TNFAIP8: variants seen among roughly 807,000 people sequenced by gnomAD.
TNFAIP8 encodes the protein TNF alpha induced protein 8.
TNFAIP8 carries 7 observed loss-of-function variants against 13.3 expected under a neutral mutation model. That is an observed-to-expected ratio of 0.52 (90% CI 0.30 to 0.99). The LOEUF is 0.99. TNFAIP8 is among the 50% of genes least tolerant of loss of function. The pLI, the probability that TNFAIP8 is intolerant of heterozygous loss-of-function variation, is 0.07. For missense variants in TNFAIP8, 258 were observed against 236.9 expected, an observed-to-expected ratio of 1.09 and a Z score of -0.58; for synonymous variants, 94 against 87.6, an observed-to-expected ratio of 1.07 and a Z score of -0.41.
At chr5:119,376,116 TTTTTG>T (rs1480340886) in intron 1 of TNFAIP8, among the ~76,000 whole-genome samples, 2 of 151,474 alleles carry the variant, frequency 1.3e-5, no homozygotes, top group Non-Finnish European at 2.9e-5. Flanking sequence ...TAAATTTTCT[TTTTTG>T]TTTTTTTTTT....
chr5:119,334,923 C>G, intron 1 of TNFAIP8, among the ~76,000 whole-genome samples: 1 of 152,120 alleles, frequency 6.6e-6, no homozygotes, highest in African/African-American at 2.4e-5. Flanking sequence ...GGCAGAAAGA[C>G]GTGTACATAA....
chr5:119,388,625 CT>C (rs771719715), intron 1 of TNFAIP8, among the ~76,000 whole-genome samples: 1 of 144,514 alleles, frequency 6.9e-6, no homozygotes, highest in Non-Finnish European at 1.5e-5. Flanking sequence ...CATGAAGCAT[CT>C]TTTTTTTTCT....
At chr5:119,320,890 AAAAAACAAAAAACG>A (rs1750033110) in intron 1 of TNFAIP8, among the ~76,000 whole-genome samples, 1 of 151,556 alleles carries the variant, frequency 6.6e-6, no homozygotes, top group African/African-American at 2.4e-5. Flanking sequence ...CCTGCTAAAA[AAAAAACAAAAAACG>A]AAAAACAAAA....
At chr5:119,294,698 A>G (rs916072741) in intron 1 of TNFAIP8, among the ~76,000 whole-genome samples, 1 of 152,002 alleles carries the variant, frequency 6.6e-6, no homozygotes, top group Non-Finnish European at 1.5e-5. Flanking sequence ...CCTCTCCAGC[A>G]CCTGTTGTTT....
At chr5:119,347,499 T>C (rs1750947785) in intron 1 of TNFAIP8, among the ~76,000 whole-genome samples, 1 of 152,234 alleles carries the variant, frequency 6.6e-6, no homozygotes, top group Non-Finnish European at 1.5e-5. Flanking sequence ...TATCATCTTT[T>C]TTAGGTAGGC....
chr5:119,314,206 A>C lies in TNFAIP8; in HGVS notation c.1+45299A>C, dbSNP rs78927313. On this transcript the variant is annotated intron_variant, in intron 1 of 1. Coordinates refer to the TNFAIP8 transcript ENST00000274456. ...ACAAACAAACAAACAAACAAACAAA[A>C]AAACCATGTCTGTCGTCTGTTTTGT... is the stretch of plus-strand genomic sequence containing the variant. 8.7e-3 allele frequency among the ~76,000 whole-genome samples: 1,236 copies of C among 142,088 alleles called. 11 individuals carry two copies. The highest frequency in any genetic ancestry group is 0.03 in the African/African-American group (1,150 of 38,854). 93.2% of individuals were successfully genotyped at this position (142,088 alleles called of 152,430 possible). A position where few individuals can be genotyped will look rare whatever the true frequency, so the allele number is the denominator to read the frequency against.
chr5:119,373,445 A>G (rs1466423182), intron 1 of TNFAIP8, among the ~76,000 whole-genome samples: 1 of 152,258 alleles, frequency 6.6e-6, no homozygotes, highest in Non-Finnish European at 1.5e-5. Flanking sequence ...ACAACGGGAA[A>G]GTGACTAGGG....
In TNFAIP8 at chr5:119,393,485, A is replaced by G; in HGVS notation, c.*104A>G. On this transcript the variant is annotated 3_prime_UTR_variant, in exon 2 of 2. Coordinates refer to ENST00000504771, the MANE Select transcript of TNFAIP8 (RefSeq NM_014350.4). ...ATTTTCTAAAGATTACACATATTTCAGAAAGACTTTACCCAATTCAGTTGT... is the reference window on the plus strand; with the variant it reads ...ATTTTCTAAAGATTACACATATTTCGGAAAGACTTTACCCAATTCAGTTGT... 1 of 1,109,266 alleles carries G rather than the reference A, an allele frequency of 9.0e-7. No homozygotes were observed. Among genetic ancestry groups the G allele is most frequent in the African/African-American group, 1.6e-5 (1 of 64,044 alleles). 68.7% of individuals were successfully genotyped at this position (1,109,266 alleles called of 1,614,324 possible). A position where few individuals can be genotyped will look rare whatever the true frequency, so the allele number is the denominator to read the frequency against.
chr5:119,384,179 C>T (rs187726838), intron 1 of TNFAIP8, among the ~76,000 whole-genome samples: 25 of 152,220 alleles, frequency 1.6e-4, no homozygotes, highest in Middle Eastern at 6.8e-3. Flanking sequence ...CTAGGGTTGC[C>T]GTAAAGCTTC....
intron 1 of TNFAIP8, among the ~76,000 whole-genome samples, chr5:119,339,911 G>T (rs1034693267): frequency 6.6e-6 from 1 of 152,142 alleles, no homozygotes; most frequent in Non-Finnish European, 1.5e-5. Flanking sequence ...AAATAAATGG[G>T]CTGTGGATAA....
chr5:119,285,719 CA>C (rs962700935), intron 1 of TNFAIP8, among the ~76,000 whole-genome samples: 1 of 152,120 alleles, frequency 6.6e-6, no homozygotes, highest in African/African-American at 2.4e-5. Flanking sequence ...AATTTTGATA[CA>C]AAAAGCGTTC....
intron 1 of TNFAIP8, among the ~76,000 whole-genome samples, chr5:119,382,759 A>G (rs1031696049): frequency 6.6e-6 from 1 of 152,236 alleles, no homozygotes; most frequent in Non-Finnish European, 1.5e-5. Context: ...CCCCTGACCC[A>G]GTCTGACTCT....
At chr5:119,348,866 G>C (rs1751008890) in intron 1 of TNFAIP8, among the ~76,000 whole-genome samples, 1 of 99,800 alleles carries the variant, frequency 1.0e-5, no homozygotes, top group Non-Finnish European at 2.0e-5. Flanking sequence ...GGCAACCAAA[G>C]CAAAACTCCA....
intron 1 of TNFAIP8, among the ~76,000 whole-genome samples, chr5:119,376,177 C>T (rs928314979): frequency 1.3e-5 from 2 of 151,316 alleles, no homozygotes; most frequent in African/African-American, 4.9e-5. Context: ...TGCAGTGGTG[C>T]AATCTCGGCT....
chr5:119,383,986 A>G (rs764166165), intron 1 of TNFAIP8, among the ~76,000 whole-genome samples: 3 of 152,140 alleles, frequency 2.0e-5, no homozygotes, highest in African/African-American at 4.8e-5. Flanking sequence ...AGATCTTCCT[A>G]TACTAAAAGA....
At chr5:119,308,058 A>G (rs1749618341) in intron 1 of TNFAIP8, among the ~76,000 whole-genome samples, 1 of 152,238 alleles carries the variant, frequency 6.6e-6, no homozygotes, top group African/African-American at 2.4e-5. Context: ...AGTTTATTCT[A>G]ACCCCTGTAA....
At chr5:119,298,621 T>G (rs2112646264) in intron 1 of TNFAIP8, among the ~76,000 whole-genome samples, 1 of 152,218 alleles carries the variant, frequency 6.6e-6, no homozygotes, top group African/African-American at 2.4e-5. Flanking sequence ...CTTTGTGGCA[T>G]TCTCTGTATT....
intron 1 of TNFAIP8, chr5:119,306,380 A>G (rs1017564084): frequency 7.1e-6 from 1 of 140,256 alleles, no homozygotes; most frequent in Non-Finnish European, 1.5e-5. Flanking sequence ...ACTGGAGAGC[A>G]GTGGCTGTTC....
At chr5:119,346,162 C>T (rs1750894602) in intron 1 of TNFAIP8, among the ~76,000 whole-genome samples, 1 of 152,282 alleles carries the variant, frequency 6.6e-6, no homozygotes, top group Non-Finnish European at 1.5e-5. Context: ...GAAATCTACC[C>T]TCTAAGATGC....
Sources: gnomAD v4.1 joint callset for allele counts (sites outside exome capture counted in the v4.1 genomes callset) on GRCh38, gnomAD v4.1.1 for gene constraint, MANE v1.5 for transcripts, NCBI Gene and HGNC (gene_info 2026-07-23, HGNC 2026-07-21) for gene names.